TXNRD2: variants seen among roughly 807,000 people sequenced by gnomAD.
TXNRD2 encodes the protein thioredoxin reductase 2, also known as thioredoxin reductase 2, mitochondrial.
A neutral mutation model predicts 70.8 loss-of-function variants in TXNRD2; 67 were observed. That is an observed-to-expected ratio of 0.95 (90% confidence interval 0.78 to 1.16). The LOEUF is 1.16. Among genes scored for constraint, TXNRD2 ranks in the 50% most tolerant of loss-of-function variants. The pLI is 0.00. For missense variants in TXNRD2, 644 were observed against 719.9 expected (o/e 0.89, Z 1.21); for synonymous variants, 301 against 295.8 (o/e 1.02, Z -0.18).
intron 2 of TXNRD2, among the ~76,000 whole-genome samples, chr22:19,922,116 T>C (rs1940940498): frequency 2.6e-5 from 4 of 151,702 alleles, no homozygotes; most frequent in Admixed American, 2.6e-4. Flanking sequence ...CAACCAAAAA[T>C]TACCAGTCAC....
At chr22:19,911,476 A>G in intron 7 of TXNRD2, 29 bp from the exon 8 acceptor site, 1 of 1,588,428 alleles carries the variant, frequency 6.3e-7, no homozygotes, top group Non-Finnish European at 8.6e-7. Context: ...CCCCTTGGAC[A>G]AGAGCTCCAT....
Position 19,895,544 on chromosome 22 carries a change from T to C in TXNRD2, c.812A>G (p.His271Arg), listed in dbSNP as rs1444083785. The change falls in exon 11 of 18, where the codon CAT becomes CGT. Residue 271 changes from histidine to arginine, a missense_variant. Around this residue, in one of 3 missense-constraint regions of TXNRD2, gnomAD observed 566 missense variants for 645.0 expected, o/e 0.88. Transcript: ENST00000400521. The stretch of plus-strand genomic sequence containing the variant: ...ACAGCCCCTCAGGAACCGGGTGCCA[T>C]GAGATGCCATGTGCTCTATGACCAT... Reference protein sequence around the residue: ...SSMVIEHMASHGTRFLRGCAP... With the variant: ...SSMVIEHMASRGTRFLRGCAP... The C allele has an allele frequency of 6.2e-7, 1 of 1,611,150 alleles. No individual in the cohort carries two copies. Among genetic ancestry groups the C allele is most frequent in the African/African-American group, 1.3e-5 (1 of 74,864 alleles).
intron 10 of TXNRD2, among the ~76,000 whole-genome samples, chr22:19,896,243 A>G (rs1204291213): frequency 6.6e-6 from 1 of 151,934 alleles, no homozygotes; most frequent in East Asian, 1.9e-4. Flanking sequence ...GCTTGCAGTG[A>G]GCCGAGATTG....
At chr22:19,926,218 G>A (rs7285277) in intron 2 of TXNRD2, among the ~76,000 whole-genome samples, 34,524 of 145,680 alleles carry the variant, frequency 0.24, 4,450 homozygotes, top group African/African-American at 0.35. Flanking sequence ...GGCCAGGCAC[G>A]GTGGCTCATG....
chr22:19,892,340 C>T (rs1019309443), intron 11 of TXNRD2, among the ~76,000 whole-genome samples: 9 of 152,280 alleles, frequency 5.9e-5, no homozygotes, highest in African/African-American at 2.2e-4. Flanking sequence ...GAAGTCAGCA[C>T]ATGCCCGAGC....
chr22:19,899,208 C>G, intron 8 of TXNRD2, 140 bp from the exon 9 acceptor site: 1 of 1,097,708 alleles, frequency 9.1e-7, no homozygotes, highest in Non-Finnish European at 1.3e-6. Flanking sequence ...ACAGCTTGCC[C>G]CAGGGGACAA....
At chr22:19,933,018 G>A (rs1422332712) in intron 1 of TXNRD2, among the ~76,000 whole-genome samples, 2 of 152,228 alleles carry the variant, frequency 1.3e-5, no homozygotes, top group Non-Finnish European at 2.9e-5. Context: ...AAGAGCTGGA[G>A]CCTAGAGGAG....
At chr22:19,883,584 T>C (rs1380466585) in intron 11 of TXNRD2, 123 bp from the exon 12 acceptor site, 1 of 1,400,666 alleles carries the variant, frequency 7.1e-7, no homozygotes, top group Non-Finnish European at 1.0e-6. Context: ...CTGCCTGTAA[T>C]CCCAGCACTG....
chr22:19,889,811 G>C (rs1235858486), intron 11 of TXNRD2, among the ~76,000 whole-genome samples: 3 of 152,114 alleles, frequency 2.0e-5, no homozygotes, highest in African/African-American at 4.8e-5. Flanking sequence ...AATTGTAACA[G>C]GTTGGCTGCC....
chr22:19,920,909 T>C (rs1459120762), intron 2 of TXNRD2, among the ~76,000 whole-genome samples: 1 of 152,126 alleles, frequency 6.6e-6, no homozygotes, highest in African/African-American at 2.4e-5. Context: ...GAGAACATCC[T>C]GGCTAACACG....
intron 2 of TXNRD2, among the ~76,000 whole-genome samples, chr22:19,929,251 C>T (rs538060676): frequency 6.0e-5 from 9 of 149,020 alleles, no homozygotes; most frequent in South Asian, 2.1e-4. Flanking sequence ...GGCGTGAACC[C>T]GGGAGGCAGA....
chr22:19,921,406 C>A (rs1213420136), intron 2 of TXNRD2, among the ~76,000 whole-genome samples: 1 of 144,822 alleles, frequency 6.9e-6, no homozygotes, highest in Non-Finnish European at 1.5e-5. Context: ...CAGAGCAAGA[C>A]CCTGTCTCAA....
rs143425188 is a variant in TXNRD2 at position 19,914,136 on chromosome 22, T to C, written c.591+1078A>G. 2.7e-3 allele frequency among the ~76,000 whole-genome samples: 411 copies of C among 152,328 alleles called. 2 individuals are homozygous for C. The highest frequency in any genetic ancestry group is 9.0e-3 in the African/African-American group (375 of 41,564). ...AGAAACCATGACCCTTACACCCCAC[T>C]GGAAGGAATGTAAAACACAGTCATT... On this transcript the variant is annotated intron_variant, in intron 7 of 17. Transcript: ENST00000400521.
intron 11 of TXNRD2, among the ~76,000 whole-genome samples, chr22:19,890,358 A>G (rs2145956475): frequency 6.6e-6 from 1 of 152,290 alleles, no homozygotes; most frequent in African/African-American, 2.4e-5. Context: ...AATTTGCACT[A>G]AAATAAAAAG....
At chr22:19,920,573 ACT>A (rs995229692) in intron 2 of TXNRD2, among the ~76,000 whole-genome samples, 1 of 147,310 alleles carries the variant, frequency 6.8e-6, no homozygotes, top group African/African-American at 2.6e-5. Context: ...ACAGAGCAAG[ACT>A]CTGTCTCAAA....
At position 19,891,958 on chromosome 22, in the gene TXNRD2, G is replaced by T. The variant is rs558654929; in HGVS notation, c.949+3449C>A. On this transcript the variant is annotated intron_variant, in intron 11 of 17. Coordinates refer to ENST00000400521, the MANE Select transcript of TXNRD2 (RefSeq NM_006440.5). ...AATGTCCATGGTCCTCGCCAGCTGC[G>T]GCCAGGCGCCAGGCACACGGGCAAC... is the stretch of plus-strand genomic sequence containing the variant. Among the ~76,000 whole-genome samples the T allele has an allele frequency of 1.2e-4, 19 of 152,372 alleles. No individual in the cohort carries two copies. The East Asian group carries it at 3.7e-3, about 29-fold the overall frequency.
At chr22:19,881,594 G>A (rs1230584249) in intron 12 of TXNRD2, among the ~76,000 whole-genome samples, 2 of 152,184 alleles carry the variant, frequency 1.3e-5, no homozygotes, top group African/African-American at 4.8e-5. Context: ...CTGGCAAAAC[G>A]GTTTGAAATG....
intron 11 of TXNRD2, among the ~76,000 whole-genome samples, chr22:19,891,925 G>C (rs545138649): frequency 2.0e-5 from 3 of 152,248 alleles, no homozygotes; most frequent in Non-Finnish European, 4.4e-5. Flanking sequence ...GGCCCACTTC[G>C]CAATGCCAAT....
chr22:19,922,848 G>A (rs551951162), intron 2 of TXNRD2, among the ~76,000 whole-genome samples: 1 of 152,096 alleles, frequency 6.6e-6, no homozygotes, highest in South Asian at 2.1e-4. Context: ...CACCATGCCC[G>A]GCCAATTTTT....
Sources: allele counts gnomAD v4.1 joint callset (sites outside exome capture counted in the v4.1 genomes callset), GRCh38; gene constraint gnomAD v4.1.1; regional missense constraint gnomAD v4.1.1; transcripts MANE v1.5; gene names NCBI Gene and HGNC (gene_info 2026-07-23, HGNC 2026-07-21).